SPATA16: variants seen among roughly 807,000 people sequenced by gnomAD.
The protein encoded by SPATA16 is spermatogenesis-associated protein 16.
A neutral mutation model predicts 63.3 loss-of-function variants in SPATA16; 36 were observed. That is an observed-to-expected ratio of 0.57 (90% CI 0.44 to 0.75). SPATA16 has a LOEUF of 0.75. Among genes scored for constraint, SPATA16 ranks in the 30% least tolerant of loss-of-function variants. SPATA16 has a pLI of 0.00. For synonymous variants in SPATA16, 203 were observed against 216.7 expected (o/e 0.94, Z 0.56); for missense variants, 646 against 679.3 (o/e 0.95, Z 0.54).
intron 4 of SPATA16, among the ~76,000 whole-genome samples, chr3:172,997,254 C>T (rs890441511): frequency 2.6e-5 from 4 of 151,954 alleles, no homozygotes; most frequent in African/African-American, 9.7e-5. Flanking sequence ...TTTGCATTCC[C>T]ACCAGCAATG....
At chr3:173,016,601 G>A (rs1735193799) in intron 4 of SPATA16, among the ~76,000 whole-genome samples, 1 of 152,160 alleles carries the variant, frequency 6.6e-6, no homozygotes, top group Non-Finnish European at 1.5e-5. Context: ...AAACATGACT[G>A]CGTAGCATGC....
chr3:172,942,516 C>CAGT (rs3980205), intron 6 of SPATA16, among the ~76,000 whole-genome samples: 10,836 of 151,992 alleles, frequency 0.071, 1,224 homozygotes, highest in African/African-American at 0.24. Flanking sequence ...AATCTTAAAA[C>CAGT]AGGCACATTG....
chr3:172,992,061 T>C (rs1025388221), intron 4 of SPATA16, among the ~76,000 whole-genome samples: 1 of 152,104 alleles, frequency 6.6e-6, no homozygotes, highest in East Asian at 1.9e-4. Flanking sequence ...TTGAACTAGT[T>C]AATGGTATGG....
chr3:173,022,585 C>T (rs1464168253), intron 3 of SPATA16, among the ~76,000 whole-genome samples: 3 of 152,124 alleles, frequency 2.0e-5, no homozygotes, highest in African/African-American at 4.8e-5. Context: ...TCTAAAATGA[C>T]ATACCCTTTT....
intron 2 of SPATA16, among the ~76,000 whole-genome samples, chr3:173,100,240 C>A (rs1291539516): frequency 1.3e-5 from 2 of 152,266 alleles, no homozygotes; most frequent in African/African-American, 4.8e-5. Flanking sequence ...TCAATGACTT[C>A]TTTTGCTTAA....
chr3:173,056,052 T>C (rs1325183460), intron 2 of SPATA16, among the ~76,000 whole-genome samples: 1 of 152,166 alleles, frequency 6.6e-6, no homozygotes, highest in Non-Finnish European at 1.5e-5. Context: ...TTCCATAAGG[T>C]TTTACTGTGT....
intron 3 of SPATA16, among the ~76,000 whole-genome samples, chr3:173,026,816 A>G (rs748234392): frequency 3.9e-5 from 6 of 151,922 alleles, no homozygotes; most frequent in Non-Finnish European, 7.4e-5. Flanking sequence ...AGTTTTGACT[A>G]CTATAGATTT....
At chr3:172,941,512 A>G (rs1227771510) in intron 6 of SPATA16, among the ~76,000 whole-genome samples, 1 of 152,240 alleles carries the variant, frequency 6.6e-6, no homozygotes, top group East Asian at 1.9e-4. Flanking sequence ...CAATGACACA[A>G]GTCAGAAGAC....
chr3:172,911,148 A>G (rs1451888814), intron 10 of SPATA16, among the ~76,000 whole-genome samples: 2 of 152,160 alleles, frequency 1.3e-5, no homozygotes, highest in African/African-American at 2.4e-5. Flanking sequence ...TCTTCAACAA[A>G]CCTTCAATCA....
At chr3:172,976,079 A>G (rs1289596365) in intron 5 of SPATA16, among the ~76,000 whole-genome samples, 2 of 152,102 alleles carry the variant, frequency 1.3e-5, no homozygotes, top group African/African-American at 4.8e-5. Context: ...AAAAAGCTCC[A>G]CACAGTCTGG....
At chr3:173,017,244 A>G (rs1735211062) in intron 4 of SPATA16, among the ~76,000 whole-genome samples, 1 of 152,236 alleles carries the variant, frequency 6.6e-6, no homozygotes, top group South Asian at 2.1e-4. Context: ...GCACACCAGC[A>G]TAACCAAGAA....
intron 3 of SPATA16, among the ~76,000 whole-genome samples, chr3:173,021,029 C>T (rs1406909269): frequency 6.6e-6 from 1 of 152,154 alleles, no homozygotes; most frequent in Non-Finnish European, 1.5e-5. Flanking sequence ...CTTGTGTGAC[C>T]TCTCAGGGCT....
chr3:173,072,419 C>A (rs2108308027), intron 2 of SPATA16, among the ~76,000 whole-genome samples: 1 of 152,254 alleles, frequency 6.6e-6, no homozygotes, highest in South Asian at 2.1e-4. Flanking sequence ...CCACCCAAAT[C>A]TCATCTTGAA....
intron 10 of SPATA16, among the ~76,000 whole-genome samples, chr3:172,904,392 GC>G (rs1732191601): frequency 6.6e-6 from 1 of 152,204 alleles, no homozygotes; most frequent in African/African-American, 2.4e-5. Flanking sequence ...TGGCAGATTA[GC>G]TTTGTCTGCC....
rs184363973 is a variant in SPATA16, at chr3:173,126,174, G to A, written c.-18-8425C>T. 2.5e-4 allele frequency among the ~76,000 whole-genome samples: 38 copies of A among 152,238 alleles called. No individual in the cohort carries two copies. In the East Asian group the frequency reaches 6.8e-3, roughly 27 times the overall value. ...TTATCTTATTCTTTGTTGACATACAGCATGGCTTATTCAGAACCAGAACCT... is the reference window on the plus strand; with the variant it reads ...TTATCTTATTCTTTGTTGACATACAACATGGCTTATTCAGAACCAGAACCT... On this transcript the variant is annotated intron_variant, in intron 1 of 10. Transcript: ENST00000351008.
chr3:173,051,497 A>G (rs539495611), intron 2 of SPATA16, among the ~76,000 whole-genome samples: 33 of 151,928 alleles, frequency 2.2e-4, no homozygotes, highest in Admixed American at 5.9e-4. Context: ...CACCGTGCCC[A>G]GCCAATTTTT....
rs950855137 is a variant in SPATA16 at position 173,099,185 on chromosome 3, A to G, written c.612+17935T>C. ...CACCTCATCACACAAGCATTCTTAC[A>G]TCATCACAAGAAGGATGAGTACAGT... is the stretch of plus-strand genomic sequence containing the variant. On this transcript the variant is annotated intron_variant, in intron 2 of 10. Transcript: ENST00000351008. Among the ~76,000 whole-genome samples, 7 of 152,258 alleles carry G rather than the reference A, an allele frequency of 4.6e-5. No homozygotes were observed. In the Middle Eastern group the frequency reaches 0.01, roughly 222 times the overall value.
At chr3:173,053,192 C>A (rs1376503412) in intron 2 of SPATA16, among the ~76,000 whole-genome samples, 3 of 152,118 alleles carry the variant, frequency 2.0e-5, no homozygotes, top group African/African-American at 7.2e-5. Flanking sequence ...CCCGTCTGTA[C>A]TAAAAATACA....
intron 2 of SPATA16, among the ~76,000 whole-genome samples, chr3:173,115,894 T>TTTC (rs1737884459): frequency 6.6e-6 from 1 of 151,756 alleles, no homozygotes; most frequent in Non-Finnish European, 1.5e-5. Flanking sequence ...GGCATTTTTT[T>TTTC]TTTCTTTTTT....
Sources: gnomAD v4.1 joint callset for allele counts (sites outside exome capture counted in the v4.1 genomes callset) on GRCh38, gnomAD v4.1.1 for gene constraint, MANE v1.5 for transcripts, NCBI Gene and HGNC (gene_info 2026-07-23, HGNC 2026-07-21) for gene names.